Variants in LGSN observed in about 807,000 individuals in gnomAD.
LGSN encodes lengsin, lens protein with glutamine synthetase domain.
In LGSN, 21 loss-of-function variants were observed where a neutral mutation model predicts 19.5. That is an observed-to-expected ratio of 1.07 (90% CI 0.76 to 1.55). LGSN has a LOEUF of 1.55. Ranked by LOEUF, LGSN falls within the 40% of genes most tolerant of loss-of-function variation. LGSN has a pLI of 0.00. For synonymous variants in LGSN, 257 were observed against 215.6 expected (o/e 1.19, Z -1.68); for missense variants, 673 against 608.5 (o/e 1.11, Z -1.12).
the LGSN span, among the ~76,000 whole-genome samples, chr6:63,452,238 CGTTT>C: frequency 1.3e-5 from 2 of 151,644 alleles, no homozygotes; most frequent in Admixed American, 6.6e-5. Context: ...GTTGGTTTTT[CGTTT>C]GTTTGTTTAT....
chr6:63,432,590 G>A, the LGSN span, among the ~76,000 whole-genome samples: 1 of 151,982 alleles, frequency 6.6e-6, no homozygotes, highest in South Asian at 2.1e-4. Context: ...TACTCGGGAG[G>A]CTGAGGCAGG....
chr6:63,394,628 CA>C, the LGSN span, among the ~76,000 whole-genome samples: 2 of 152,326 alleles, frequency 1.3e-5, no homozygotes, highest in South Asian at 4.1e-4. Context: ...TTGGCGTAAC[CA>C]TTCTTTATTC....
At chr6:63,412,602 G>C in the LGSN span, among the ~76,000 whole-genome samples, 1 of 132,350 alleles carries the variant, frequency 7.6e-6, no homozygotes, top group South Asian at 2.5e-4. Context: ...AAAGAAAGAG[G>C]GAAAGAAAGG....
At chr6:63,522,672 T>C in the LGSN span, among the ~76,000 whole-genome samples, 1 of 152,150 alleles carries the variant, frequency 6.6e-6, no homozygotes, top group South Asian at 2.1e-4. Context: ...ATCATTTTTT[T>C]CCAACTGGAC....
At chr6:63,311,283 T>G (rs1192610006) in intron 1 of LGSN, among the ~76,000 whole-genome samples, 1 of 152,244 alleles carries the variant, frequency 6.6e-6, no homozygotes, top group Non-Finnish European at 1.5e-5. Context: ...GAAACTTTGC[T>G]GTACTTTAAG....
the LGSN span, among the ~76,000 whole-genome samples, chr6:63,366,070 T>A: frequency 6.6e-6 from 1 of 152,218 alleles, no homozygotes; most frequent in South Asian, 2.1e-4. Flanking sequence ...TTCAACATAG[T>A]GTTGGAAGTT....
chr6:63,397,578 T>G, the LGSN span, among the ~76,000 whole-genome samples: 2 of 151,232 alleles, frequency 1.3e-5, no homozygotes, highest in Non-Finnish European at 2.9e-5. Context: ...AAAAGGAGCA[T>G]GATGAATGGA....
At chr6:63,296,033 A>T (rs990498173) in intron 1 of LGSN, among the ~76,000 whole-genome samples, 1 of 152,138 alleles carries the variant, frequency 6.6e-6, no homozygotes, top group Non-Finnish European at 1.5e-5. Flanking sequence ...AGTTATATGA[A>T]TATATGTTGA....
At chr6:63,556,168 T>G in the LGSN span, among the ~76,000 whole-genome samples, 1 of 152,074 alleles carries the variant, frequency 6.6e-6, no homozygotes, top group Non-Finnish European at 1.5e-5. Context: ...TTTAAAAAAT[T>G]TTTTACTGTG....
At chr6:63,412,518 GAAAGAAAGAAGGAAAGAAA>G in the LGSN span, among the ~76,000 whole-genome samples, 7 of 99,872 alleles carry the variant, frequency 7.0e-5, no homozygotes, top group Admixed American at 2.4e-4. Context: ...AAGAAAGAAA[GAAAGAAAGAAGGAAAGAAA>G]GAAAGAAAGA....
At chr6:63,299,649 A>C (rs139048380) in intron 1 of LGSN, among the ~76,000 whole-genome samples, 1 of 152,014 alleles carries the variant, frequency 6.6e-6, no homozygotes, top group East Asian at 1.9e-4. Flanking sequence ...TAAATGAAAA[A>C]TTTTTCTGAA....
the LGSN span, among the ~76,000 whole-genome samples, chr6:63,432,519 G>A: frequency 5.9e-5 from 9 of 151,668 alleles, no homozygotes; most frequent in African/African-American, 9.7e-5. Flanking sequence ...GTGAAACCCC[G>A]ACTCTACTAA....
At chr6:63,523,637 T>G in the LGSN span, among the ~76,000 whole-genome samples, 1 of 152,246 alleles carries the variant, frequency 6.6e-6, no homozygotes, top group Non-Finnish European at 1.5e-5. Flanking sequence ...CTTATTTGCC[T>G]AGAGCAAGCT....
At chr6:63,299,883 T>C (rs1768119336) in intron 1 of LGSN, among the ~76,000 whole-genome samples, 1 of 152,228 alleles carries the variant, frequency 6.6e-6, no homozygotes, top group Non-Finnish European at 1.5e-5. Flanking sequence ...TTTTGCTATA[T>C]GTTTTAGGGT....
intron 1 of LGSN, among the ~76,000 whole-genome samples, chr6:63,319,707 A>C (rs1769014835): frequency 6.6e-6 from 1 of 152,172 alleles, no homozygotes; most frequent in African/African-American, 2.4e-5. Flanking sequence ...TCCTAGATGA[A>C]TATTTTGAAT....
the LGSN span, chr6:63,441,303 C>T: frequency 6.5e-6 from 3 of 464,448 alleles, no homozygotes; most frequent in Non-Finnish European, 1.3e-5. Context: ...GCAGCACCCA[C>T]CAGCAGACTT....
In LGSN at chr6:63,277,076, G is replaced by A. The variant is rs192059748; in HGVS notation, c.*2945C>T. Reference sequence around the variant, plus strand: ...TGGCTGAATATTTTCTTTGACTCACGACTGTACACTTAATACTGAAGATAA... The same window carrying A: ...TGGCTGAATATTTTCTTTGACTCACAACTGTACACTTAATACTGAAGATAA... On this transcript the variant is annotated 3_prime_UTR_variant, in exon 4 of 4. Transcript: ENST00000370657. 19 of 152,240 alleles carry A rather than the reference G, an allele frequency of 1.2e-4. No individual in the cohort carries two copies. The East Asian group carries it at 2.7e-3, about 22-fold the overall frequency. The allele number at this position is 152,240 out of a possible 1,614,324, so 9.4% of individuals were successfully genotyped here.
At chr6:63,432,065 A>C in the LGSN span, among the ~76,000 whole-genome samples, 1 of 147,062 alleles carries the variant, frequency 6.8e-6, no homozygotes, top group Non-Finnish European at 1.5e-5. Flanking sequence ...ACAGAGTAAG[A>C]CTCCATCTCG....
the LGSN span, among the ~76,000 whole-genome samples, chr6:63,496,017 C>T: frequency 1.3e-5 from 2 of 152,140 alleles, no homozygotes; most frequent in South Asian, 4.2e-4. Context: ...ACCTCTGCCT[C>T]CCGGGTTCAA....
Sources: allele counts gnomAD v4.1 joint callset (sites outside exome capture counted in the v4.1 genomes callset), GRCh38; gene constraint gnomAD v4.1.1; transcripts MANE v1.5; gene names NCBI Gene and HGNC (gene_info 2026-07-23, HGNC 2026-07-21).